ANK2: variants seen among roughly 807,000 people sequenced by gnomAD.
ANK2 encodes the protein ankyrin 2.
Under a neutral mutation model 360.5 loss-of-function variants are expected in ANK2, and 83 were observed. The observed-to-expected ratio is 0.23, with a 90% CI of 0.19 to 0.28. The LOEUF (loss-of-function observed/expected upper bound fraction) is 0.28. Among genes scored for constraint, ANK2 ranks in the 10% least tolerant of loss-of-function variants. The pLI is 1.00. For missense variants in ANK2, 4,201 were observed against 4,795.7 expected, an observed-to-expected ratio of 0.88 and a Z score of 3.66; for synonymous variants, 1,740 against 1,759.5, an observed-to-expected ratio of 0.99 and a Z score of 0.28.
intron 2 of ANK2, among the ~76,000 whole-genome samples, chr4:112,973,348 A>T (rs1446641372): frequency 1.3e-5 from 2 of 152,186 alleles, no homozygotes; most frequent in African/African-American, 4.8e-5. Context: ...ATCACTCTTT[A>T]TAGTTGGCAA....
At chr4:113,333,299 T>C in intron 29 of ANK2, 91 bp downstream of exon 29, 1 of 359,698 alleles carries the variant, frequency 2.8e-6, no homozygotes. Context: ...TGTGTGTATA[T>C]GTGTGTGTGT....
intron 39 of ANK2, among the ~76,000 whole-genome samples, chr4:113,361,442 T>A (rs190460934): frequency 7.2e-5 from 11 of 152,130 alleles, no homozygotes; most frequent in African/African-American, 2.4e-4. Flanking sequence ...AAAATCAATA[T>A]ACTTTATTTA....
chr4:112,807,977 A>G, the ANK2 span, among the ~76,000 whole-genome samples: 2 of 152,258 alleles, frequency 1.3e-5, no homozygotes, highest in Non-Finnish European at 2.9e-5. Context: ...GATTTATATA[A>G]CCATTTATGT....
At chr4:112,889,174 A>C (rs2079226572) in intron 1 of ANK2, among the ~76,000 whole-genome samples, 1 of 151,994 alleles carries the variant, frequency 6.6e-6, no homozygotes, top group Non-Finnish European at 1.5e-5. Flanking sequence ...TTTAGTAGAA[A>C]CAATACCACT....
At chr4:113,221,531 G>GGGT (rs2099151727) in intron 4 of ANK2, among the ~76,000 whole-genome samples, 3 of 151,910 alleles carry the variant, frequency 2.0e-5, no homozygotes, top group Admixed American at 2.0e-4. Flanking sequence ...TGGTGGCACA[G>GGGT]GCCTGTAATC....
rs2097188761 is a variant in ANK2 at position 113,382,566 on chromosome 4, G to A, written c.*1095G>A. ...GCCACTGCACTGTAGATAATTCATT[G>A]GAAACAAGATTTACCCACTACATAA... On this transcript the variant is annotated 3_prime_UTR_variant, in exon 46 of 46. Coordinates refer to ENST00000357077, the MANE Select transcript of ANK2 (RefSeq NM_001148.6). 1 of 152,490 alleles carries A rather than the reference G, an allele frequency of 6.6e-6. No individual in the cohort carries two copies. Among genetic ancestry groups the A allele is most frequent in the African/African-American group, 2.4e-5 (1 of 41,384 alleles). The allele number at this position is 152,490 out of a possible 1,614,324, so 9.4% of individuals were successfully genotyped here.
At chr4:113,130,603 C>T (rs988863046) in intron 1 of ANK2, among the ~76,000 whole-genome samples, 1 of 152,088 alleles carries the variant, frequency 6.6e-6, no homozygotes, top group African/African-American at 2.4e-5. Context: ...TCCCTAAGCC[C>T]ATGTACTTTG....
rs1183648543 is a variant in ANK2, at chr4:113,356,888, G to C, written c.8270G>C (p.Arg2757Thr). 21 of 1,613,942 alleles carry C rather than the reference G, an allele frequency of 1.3e-5. No homozygotes were observed. The highest frequency in any genetic ancestry group is 1.8e-5 in the Non-Finnish European group (21 of 1,179,992). Residue 2757 changes from arginine (R) to threonine (T), a missense_variant, in exon 38 of 46, where the codon AGG (arginine) becomes ACG (threonine). Physicochemically the swap from Arg to Thr is moderately conservative, Grantham distance 71 (BLOSUM62 -1). Transcript: ENST00000357077. ...GCTGTTTCCACTGAGGCTGAAGACA[G>C]GTCTTATGATAAGCTAAACAGAGAC... The part of the protein sequence containing the change: ...RHAVSTEAED[R>T]SYDKLNRDTD...
At chr4:113,070,890 C>T (rs2077304974) in intron 1 of ANK2, among the ~76,000 whole-genome samples, 1 of 151,874 alleles carries the variant, frequency 6.6e-6, no homozygotes, top group South Asian at 2.1e-4. Flanking sequence ...GCCCCCGAGA[C>T]ATTCAAAATG....
intron 1 of ANK2, among the ~76,000 whole-genome samples, chr4:113,130,336 TTTGTCTTTAATA>T (rs1436826199): frequency 6.6e-6 from 1 of 152,290 alleles, no homozygotes; most frequent in East Asian, 1.9e-4. Context: ...TTCTGTTTTC[TTTGTCTTTAATA>T]TTGTCTTTAA....
At chr4:112,932,177 A>G (rs943961620) in intron 2 of ANK2, among the ~76,000 whole-genome samples, 25 of 152,242 alleles carry the variant, frequency 1.6e-4, no homozygotes, top group African/African-American at 5.8e-4. Context: ...TAACATGGTG[A>G]AACCCCGTTT....
chr4:113,366,359 T>C (rs1328308237), intron 41 of ANK2, among the ~76,000 whole-genome samples: 1 of 152,034 alleles, frequency 6.6e-6, no homozygotes, highest in East Asian at 1.9e-4. Context: ...TAAAACATTT[T>C]CTTTACTTAA....
chr4:112,880,074 T>TCACA (rs386401176), intron 1 of ANK2, among the ~76,000 whole-genome samples: 1,558 of 150,350 alleles, frequency 0.01, 15 homozygotes, highest in African/African-American at 0.027. Flanking sequence ...TCTCTCTCTC[T>TCACA]CACACACACA....
intron 35 of ANK2, chr4:113,347,818 AAAAG>A (rs1181589708): frequency 7.3e-5 from 13 of 177,282 alleles, no homozygotes; most frequent in Non-Finnish European, 1.4e-4. Context: ...AAAAAAAAAA[AAAAG>A]AAAGAATTTA....
intron 4 of ANK2, among the ~76,000 whole-genome samples, chr4:113,212,840 A>C (rs887052173): frequency 6.6e-6 from 1 of 152,360 alleles, no homozygotes; most frequent in South Asian, 2.1e-4. Context: ...GCCATGCAAG[A>C]CCAGCCATTC....
chr4:113,227,193 G>A (rs2099234379), intron 4 of ANK2, among the ~76,000 whole-genome samples: 1 of 152,142 alleles, frequency 6.6e-6, no homozygotes. Context: ...AGTTAAGAGA[G>A]AATAATTTCC....
intron 2 of ANK2, among the ~76,000 whole-genome samples, chr4:113,189,890 T>C (rs2098628702): frequency 6.6e-6 from 1 of 152,142 alleles, no homozygotes; most frequent in African/African-American, 2.4e-5. Flanking sequence ...ATGCCCTCTT[T>C]TAAGATGGGT....
At chr4:113,056,013 C>T (rs868342908) in intron 1 of ANK2, among the ~76,000 whole-genome samples, 19 of 152,142 alleles carry the variant, frequency 1.2e-4, no homozygotes, top group African/African-American at 4.3e-4. Context: ...GATACTCTCC[C>T]AAGCAGCATT....
At chr4:113,244,423 C>G (rs1478212748) in intron 9 of ANK2, among the ~76,000 whole-genome samples, 1 of 152,060 alleles carries the variant, frequency 6.6e-6, no homozygotes, top group Non-Finnish European at 1.5e-5. Flanking sequence ...ACAAACAAAA[C>G]CCTTGATTTG....
Sources: gnomAD v4.1 joint callset for allele counts (sites outside exome capture counted in the v4.1 genomes callset) on GRCh38, gnomAD v4.1.1 for gene constraint, MANE v1.5 for transcripts, NCBI Gene and HGNC (gene_info 2026-07-23, HGNC 2026-07-21) for gene names.